The following BCAS3 variants were observed in gnomAD, a reference collection of about 807,000 sequenced individuals.
BCAS3 encodes BCAS3 microtubule associated cell migration factor.
Under a neutral mutation model 116.1 loss-of-function variants are expected in BCAS3, and 53 were observed. The observed-to-expected ratio is 0.46, with a 90% CI of 0.37 to 0.57. BCAS3 has a LOEUF of 0.57. Ranked by LOEUF, BCAS3 falls within the 20% of genes least tolerant of loss-of-function variation. BCAS3 has a pLI of 0.00. For synonymous variants in BCAS3, 391 were observed against 408.2 expected (o/e 0.96, Z 0.51); for missense variants, 917 against 1,165.4 (o/e 0.79, Z 3.10).
chr17:61,045,903 A>ATT (rs1470635561), intron 19 of BCAS3, among the ~76,000 whole-genome samples: 2 of 35,562 alleles, frequency 5.6e-5, no homozygotes, highest in African/African-American at 7.6e-4. Context: ...TAATATATAT[A>ATT]AATATATATT....
intron 6 of BCAS3, among the ~76,000 whole-genome samples, chr17:60,765,475 T>G (rs923293138): frequency 2.6e-5 from 4 of 152,174 alleles, no homozygotes; most frequent in Non-Finnish European, 5.9e-5. Flanking sequence ...GATATGAAAT[T>G]CTGGGTTGAA....
intron 22 of BCAS3, among the ~76,000 whole-genome samples, chr17:61,329,661 C>T (rs2056090003): frequency 6.6e-6 from 1 of 151,934 alleles, no homozygotes; most frequent in Non-Finnish European, 1.5e-5. Context: ...TTTTTCTAAT[C>T]AGAAATAATA....
intron 7 of BCAS3, among the ~76,000 whole-genome samples, chr17:60,839,880 C>T (rs2051733784): frequency 6.6e-6 from 1 of 152,174 alleles, no homozygotes; most frequent in Non-Finnish European, 1.5e-5. Context: ...GTCACTTTCT[C>T]AAATACTTTG....
intron 16 of BCAS3, among the ~76,000 whole-genome samples, chr17:61,030,430 G>A (rs549168919): frequency 1.8e-3 from 270 of 152,166 alleles, no homozygotes; most frequent in Middle Eastern, 3.4e-3. Flanking sequence ...ATAGGCCAGA[G>A]AAATTCAATA....
chr17:60,821,221 A>G (rs1472728793), intron 7 of BCAS3, among the ~76,000 whole-genome samples: 1 of 152,198 alleles, frequency 6.6e-6, no homozygotes, highest in Non-Finnish European at 1.5e-5. Flanking sequence ...CGCTGGGATT[A>G]CAGGCATGCG....
chr17:61,067,718 CA>C lies in BCAS3; in HGVS notation c.2030-7199del, dbSNP rs2070839503. Among the ~76,000 whole-genome samples, 193 of 87,884 alleles carry C rather than the reference CA, an allele frequency of 2.2e-3. 1 individual carries two copies. The highest frequency in any genetic ancestry group is 6.4e-3 in the African/African-American group (163 of 25,482). 57.7% of individuals were successfully genotyped at this position (87,884 alleles called of 152,430 possible). On this transcript the variant is annotated intron_variant, in intron 19 of 23. Coordinates refer to ENST00000407086, the MANE Select transcript of BCAS3 (RefSeq NM_017679.5). Reference sequence around the variant, plus strand: ...TGACAGAGCAAGACTCCATCTCAAACAAACAAACAAAAAAAAAAAAAAATAT... The same window carrying C: ...TGACAGAGCAAGACTCCATCTCAAACAACAAACAAAAAAAAAAAAAAATAT...
At chr17:60,767,345 T>TG (rs2044215476) in intron 6 of BCAS3, among the ~76,000 whole-genome samples, 1 of 133,482 alleles carries the variant, frequency 7.5e-6, no homozygotes, top group Non-Finnish European at 1.5e-5. Context: ...AAGTCCTTTT[T>TG]TTTTTTTTTT....
At position 61,286,296 on chromosome 17, in the gene BCAS3, T is replaced by C. The variant is rs2051772458; in HGVS notation, c.2426-82031T>C. ...CATTTCCTCTTGCTTCTGAGTTCTC[T>C]GAATCTGCATTTGAAAGTTATCGTG... On this transcript the variant is annotated intron_variant, in intron 22 of 23. Coordinates refer to ENST00000407086, the MANE Select transcript of BCAS3 (RefSeq NM_017679.5). This position sits in a 1 kb window ranked among gnomAD's most constrained non-coding sequence, Gnocchi z 4.8. Among the ~76,000 whole-genome samples, 1 of 152,224 alleles carries C rather than the reference T, an allele frequency of 6.6e-6. No homozygotes were observed. Among genetic ancestry groups the C allele is most frequent in the South Asian group, 2.1e-4 (1 of 4,832 alleles).
intron 16 of BCAS3, among the ~76,000 whole-genome samples, chr17:61,022,401 G>A (rs866359245): frequency 4.0e-5 from 6 of 151,870 alleles, no homozygotes; most frequent in South Asian, 2.1e-4. Flanking sequence ...CCGCCACCAC[G>A]CTTGGCTAAT....
Position 61,128,365 on chromosome 17 carries a change from T to C in BCAS3, c.2425+43801T>C, listed in dbSNP as rs2076154420. ...CAGTTCCTTTCTTATTTGTTTGATG[T>C]ACAGGCTTATTTAAGTGAAAGGTGG... On this transcript the variant is annotated intron_variant, in intron 22 of 23. Coordinates refer to ENST00000407086, the MANE Select transcript of BCAS3 (RefSeq NM_017679.5). The surrounding 1 kb of genome is among the most constrained non-coding windows in gnomAD (Gnocchi z 4.1). 1 of 985,308 alleles carries C rather than the reference T, an allele frequency of 1.0e-6. No individual in the cohort carries two copies. Among genetic ancestry groups the C allele is most frequent in the Non-Finnish European group, 1.2e-6 (1 of 829,930 alleles). The allele number at this position is 985,308 out of a possible 1,614,324, so 61.0% of individuals were successfully genotyped here.
rs187089056 is a variant in BCAS3 at position 61,316,160 on chromosome 17, G to T, written c.2426-52167G>T. ...ATCTCTACTAAAAATTACAAAATTA[G>T]CCAGGCATGGTGGTGCATGCCTGTG... On this transcript the variant is annotated intron_variant, in intron 22 of 23. Transcript: ENST00000407086. The surrounding 1 kb of genome is among the most constrained non-coding windows in gnomAD (Gnocchi z 5.8). 7.2e-5 allele frequency among the ~76,000 whole-genome samples: 11 copies of T among 152,118 alleles called. No homozygotes were observed. The highest frequency in any genetic ancestry group is 3.4e-3 in the Middle Eastern group (1 of 294).
chr17:60,874,793 GAC>G (rs1376522461), intron 9 of BCAS3, 55 bp downstream of exon 9: 2 of 1,070,720 alleles, frequency 1.9e-6, no homozygotes, highest in African/African-American at 3.2e-5. Flanking sequence ...CTACTTACTT[GAC>G]ACAATCAGCA....
At chr17:60,798,052 AAC>A (rs1467304088) in intron 6 of BCAS3, among the ~76,000 whole-genome samples, 1 of 152,082 alleles carries the variant, frequency 6.6e-6, no homozygotes, top group African/African-American at 2.4e-5. Flanking sequence ...AACAAACAAA[AAC>A]ACACAGAGTT....
chr17:60,717,467 G>A (rs1014104133), intron 5 of BCAS3, among the ~76,000 whole-genome samples: 2 of 151,738 alleles, frequency 1.3e-5, no homozygotes, highest in African/African-American at 2.4e-5. Flanking sequence ...CTGCCTTCCC[G>A]GGCCTCCCAA....
intron 22 of BCAS3, among the ~76,000 whole-genome samples, chr17:61,149,560 C>T (rs1282299006): frequency 6.6e-6 from 1 of 152,144 alleles, no homozygotes; most frequent in African/African-American, 2.4e-5. Context: ...AACTTTTAAA[C>T]AGTTTTGAGA....
chr17:60,806,985 C>G (rs930862418), intron 6 of BCAS3, among the ~76,000 whole-genome samples: 1 of 152,036 alleles, frequency 6.6e-6, no homozygotes, highest in Non-Finnish European at 1.5e-5. Flanking sequence ...TCTGGATATT[C>G]TTGTATTATT....
intron 22 of BCAS3, among the ~76,000 whole-genome samples, chr17:61,216,072 T>G (rs1344499428): frequency 2.0e-5 from 3 of 152,216 alleles, no homozygotes; most frequent in Non-Finnish European, 2.9e-5. Context: ...TTGCATAGAT[T>G]TTATTCCATA....
At chr17:60,763,563 A>C (rs1309713620) in intron 6 of BCAS3, among the ~76,000 whole-genome samples, 1 of 152,150 alleles carries the variant, frequency 6.6e-6, no homozygotes, top group African/African-American at 2.4e-5. Flanking sequence ...ATCTTGGTGG[A>C]TAAGCTTTTT....
Position 61,063,319 on chromosome 17 carries a change from G to A in BCAS3, c.2030-11601G>A, listed in dbSNP as rs2070261701. ...GAGTCTTGCTCTGTCACCCAGGCTGGAGTGCGGTGGCACAATCTCGGCTCA... is the reference window on the plus strand; with the variant it reads ...GAGTCTTGCTCTGTCACCCAGGCTGAAGTGCGGTGGCACAATCTCGGCTCA... On this transcript the variant is annotated intron_variant, in intron 19 of 23. Transcript: ENST00000407086. The surrounding 1 kb of genome is among the most constrained non-coding windows in gnomAD (Gnocchi z 5.3). 6.6e-6 allele frequency among the ~76,000 whole-genome samples: 1 copy of A among 151,858 alleles called. No homozygotes were observed. The highest frequency in any genetic ancestry group is 1.5e-5 in the Non-Finnish European group (1 of 67,942).
Sources: allele counts gnomAD v4.1 joint callset (sites outside exome capture counted in the v4.1 genomes callset), GRCh38; gene constraint gnomAD v4.1.1; non-coding constraint Gnocchi (gnomAD v3.1); transcripts MANE v1.5; gene names NCBI Gene and HGNC (gene_info 2026-07-23, HGNC 2026-07-21).